SIPA1: variants seen among roughly 807,000 people sequenced by gnomAD.
The protein encoded by SIPA1 is signal-induced proliferation-associated protein 1.
In SIPA1, 51 loss-of-function variants were observed where a neutral mutation model predicts 88.1. The ratio of observed to expected loss-of-function variants is 0.58; its 90% CI spans 0.46 to 0.73. The LOEUF (loss-of-function observed/expected upper bound fraction) is 0.73. Among genes scored for constraint, SIPA1 ranks in the 30% least tolerant of loss-of-function variants. The pLI, the probability that SIPA1 is intolerant of heterozygous loss-of-function variation, is 0.00. For synonymous variants in SIPA1, 681 were observed against 664.8 expected, an observed-to-expected ratio of 1.02 and a Z score of -0.37; for missense variants, 1,348 against 1,467.6, an observed-to-expected ratio of 0.92 and a Z score of 1.33.
At chr11:65,645,705 C>T (rs1164069658) in intron 5 of SIPA1, 149 bp from the exon 6 acceptor site, 9 of 580,718 alleles carry the variant, frequency 1.5e-5, no homozygotes, top group African/African-American at 7.4e-5. Context: ...CCTTGAATCT[C>T]GCTGGCTGGG....
rs1200772983 is a variant in SIPA1, at chr11:65,649,487, A to G, written c.2525+7A>G. 6.2e-7 allele frequency: 1 copy of G among 1,612,840 alleles called. No individual in the cohort carries two copies. The highest frequency in any genetic ancestry group is 2.2e-5 in the East Asian group (1 of 44,864). ...ACTCGCTGTCACCACGCAGGTGCAC[A>G]CTCTTGGCCTTCCCTCTCCTCCAGG... On this transcript the variant is annotated splice_region_variant and intron_variant, in intron 10 of 15. Coordinates refer to ENST00000534313, the MANE Select transcript of SIPA1 (RefSeq NM_006747.4).
rs377275000 is a variant in SIPA1 at position 65,649,985 on chromosome 11, G to A, written c.2782G>A (p.Glu928Lys). The change falls in exon 13 of 16, where the codon GAG becomes AAG. Residue 928 changes from glutamate (E) to lysine (K), a missense_variant. Glu to Lys is a moderately conservative substitution (Grantham distance 56, BLOSUM62 1). Coordinates refer to ENST00000534313, the MANE Select transcript of SIPA1 (RefSeq NM_006747.4). ...GGCGGGCAGTGGGACCCTGGAGGAC[G>A]AGTGGCAGGCCATCTCGGAGATTGC... is the stretch of plus-strand genomic sequence containing the variant. Reference protein sequence around the residue: ...SEAGSGTLEDEWQAISEIAST... With the variant: ...SEAGSGTLEDKWQAISEIAST... The A allele has an allele frequency of 5.6e-6, 9 of 1,614,020 alleles. No homozygotes were observed. Among genetic ancestry groups the A allele is most frequent in the Non-Finnish European group, 7.6e-6 (9 of 1,180,010 alleles).
rs1226848754 is a variant in SIPA1 at position 65,650,297 on chromosome 11, G to T, written c.2904-104G>T. On this transcript the variant is annotated intron_variant, in intron 14 of 15. Coordinates refer to ENST00000534313, the MANE Select transcript of SIPA1 (RefSeq NM_006747.4). The stretch of plus-strand genomic sequence containing the variant: ...TGTCCTGGGCTCTGCTGCCACATAT[G>T]CCTAGAAGACCAGCGGGGCCCCTCT... 7.8e-6 allele frequency: 12 copies of T among 1,535,802 alleles called. No individual in the cohort carries two copies. In the South Asian group the frequency reaches 1.4e-4, roughly 17 times the overall value.
chr11:65,642,728 C>T lies in SIPA1; in HGVS notation c.984+89C>T. On this transcript the variant is annotated intron_variant, in intron 4 of 15. Transcript: ENST00000534313. This position sits in a 1 kb window ranked among gnomAD's most constrained non-coding sequence, Gnocchi z 6.5. ...AGCTCCCAAACCCCTAGCCTTGACC[C>T]TGATCCTGGGCTGGGTGGTGACCCC... 2.3e-6 allele frequency: 3 copies of T among 1,278,742 alleles called. No homozygotes were observed. Among genetic ancestry groups the T allele is most frequent in the Non-Finnish European group, 3.1e-6 (3 of 961,700 alleles). The allele number at this position is 1,278,742 out of a possible 1,614,324, so 79.2% of individuals were successfully genotyped here.
In SIPA1 at chr11:65,647,424, C is replaced by A. The variant is rs1173880303; in HGVS notation, c.2072C>A (p.Pro691His). The A allele has an allele frequency of 6.8e-7, 1 of 1,476,376 alleles. No homozygotes were observed. The highest frequency in any genetic ancestry group is 8.9e-7 in the Non-Finnish European group (1 of 1,120,974). 91.5% of individuals were successfully genotyped at this position (1,476,376 alleles called of 1,614,324 possible). A position where few individuals can be genotyped will look rare whatever the true frequency, so the allele number is the denominator to read the frequency against. ...RGCETRELAL[P>H]RDGQGRLGFE... is the part of the protein sequence containing the mutation. ...TGCGAGACCCGCGAGCTGGCGCTGC[C>A]CCGCGACGGTCAAGGCCGCCTGGGC... The change falls in exon 9 of 16, where the codon CCC (proline) becomes CAC (histidine). Residue 691 changes from proline (P) to histidine (H), a missense_variant. Coordinates refer to ENST00000534313, the MANE Select transcript of SIPA1 (RefSeq NM_006747.4).
Position 65,642,280 on chromosome 11 carries a change from C to T in SIPA1, c.710C>T (p.Ser237Leu). 1 of 1,554,136 alleles carries T rather than the reference C, an allele frequency of 6.4e-7. No individual in the cohort carries two copies. Among genetic ancestry groups the T allele is most frequent in the South Asian group, 1.2e-5 (1 of 84,170 alleles). The change falls in exon 3 of 16, where the codon TCG becomes TTG. Residue 237 changes from serine (S) to leucine (L), a missense_variant. Around this residue, in one of 4 missense-constraint regions of SIPA1, gnomAD observed 641 missense variants for 797.7 expected, o/e 0.80. Transcript: ENST00000534313. This position sits in a 1 kb window ranked among gnomAD's most constrained non-coding sequence, Gnocchi z 6.5. ...EHQNFFGMDE[S>L]LGPVAVSLRR... The stretch of plus-strand genomic sequence containing the variant: ...CAGAACTTCTTCGGGATGGACGAGT[C>T]GCTGGGCCCGGTGGCAGTGAGCCTG...
At position 65,650,812 on chromosome 11, in the gene SIPA1, C is replaced by G; in HGVS notation, c.*97C>G. 2 of 1,276,738 alleles carry G rather than the reference C, an allele frequency of 1.6e-6. No homozygotes were observed. Among genetic ancestry groups the G allele is most frequent in the Non-Finnish European group, 2.1e-6 (2 of 955,304 alleles). The allele number at this position is 1,276,738 out of a possible 1,614,324, so 79.1% of individuals were successfully genotyped here. A position where few individuals can be genotyped will look rare whatever the true frequency, so the allele number is the denominator to read the frequency against. On this transcript the variant is annotated 3_prime_UTR_variant, in exon 16 of 16. Transcript: ENST00000534313. ...GCAGAGGCGTGTCTTAGCACTGCCCCCCTCCCTAGCCCCTTATTTGGTGGC... is the reference window on the plus strand; with the variant it reads ...GCAGAGGCGTGTCTTAGCACTGCCCGCCTCCCTAGCCCCTTATTTGGTGGC...
chr11:65,645,001 A>G lies in SIPA1; in HGVS notation c.1031A>G (p.Gln344Arg), dbSNP rs1565180760. 1 of 1,613,940 alleles carries G rather than the reference A, an allele frequency of 6.2e-7. No individual in the cohort carries two copies. Among genetic ancestry groups the G allele is most frequent in the East Asian group, 2.2e-5 (1 of 44,884 alleles). The change falls in exon 5 of 16, where the codon CAG becomes CGG. Residue 344 changes from glutamine to arginine, a missense_variant. Gln to Arg is a conservative substitution (Grantham distance 43). Around this residue, in one of 4 missense-constraint regions of SIPA1, gnomAD observed 641 missense variants for 797.7 expected, o/e 0.80. Transcript: ENST00000534313. ...GGCATCCTGTACTGCCGGGCGGGCC[A>G]GGGCTCGGAGGAGGAGATGTACAAC... ...KVGILYCRAG[Q>R]GSEEEMYNNQ...
intron 5 of SIPA1, 113 bp from the exon 6 acceptor site, chr11:65,645,741 T>C (rs143204905): frequency 2.6e-4 from 172 of 660,258 alleles, no homozygotes; most frequent in Non-Finnish European, 4.0e-4. Context: ...TGACTGGTTG[T>C]CCACCTGCTG....
chr11:65,644,028 A>T lies in SIPA1; in HGVS notation c.985-927A>T, dbSNP rs139271734. ...GTGAAGAGGAGGTGACAGTCCAGGA[A>T]GGACTGGGTAGTCATGTGGCTGACT... On this transcript the variant is annotated intron_variant, in intron 4 of 15. Coordinates refer to ENST00000534313, the MANE Select transcript of SIPA1 (RefSeq NM_006747.4). Among the ~76,000 whole-genome samples, 989 of 152,234 alleles carry T rather than the reference A, an allele frequency of 6.5e-3. 3 individuals carry two copies. Among genetic ancestry groups the T allele is most frequent in the Non-Finnish European group, 0.011 (737 of 67,994 alleles).
chr11:65,650,067 T>C lies in SIPA1; in HGVS notation c.2848+16T>C. The C allele has an allele frequency of 6.2e-7, 1 of 1,613,686 alleles. No individual in the cohort carries two copies. The highest frequency in any genetic ancestry group is 8.5e-7 in the Non-Finnish European group (1 of 1,179,754). ...TCCCGAGAGGGTGAGGCCACCAGGG[T>C]GCTGCGGTAAGCCTGGGCAGTGCTC... On this transcript the variant is annotated intron_variant, in intron 13 of 15. Coordinates refer to ENST00000534313, the MANE Select transcript of SIPA1 (RefSeq NM_006747.4).
intron 1 of SIPA1, among the ~76,000 whole-genome samples, chr11:65,639,499 G>A (rs923321568): frequency 2.1e-4 from 32 of 152,312 alleles, no homozygotes; most frequent in Admixed American, 1.1e-3. Context: ...CACCTGGGCT[G>A]GGGAGCCGAC....
intron 4 of SIPA1, among the ~76,000 whole-genome samples, chr11:65,643,078 G>A (rs1312200354): frequency 2.0e-5 from 3 of 152,076 alleles, no homozygotes; most frequent in African/African-American, 7.2e-5. Flanking sequence ...ACCACGCCCA[G>A]CTAATTTTTG....
chr11:65,640,792 T>C lies in SIPA1; in HGVS notation c.-91-39T>C, dbSNP rs904888303. The C allele has an allele frequency of 1.4e-5, 11 of 802,892 alleles. No homozygotes were observed. In the African/African-American group the frequency reaches 2.0e-4, roughly 15 times the overall value. 49.7% of individuals were successfully genotyped at this position (802,892 alleles called of 1,614,324 possible). Reference sequence around the variant, plus strand: ...AGGCTGGGGGCCTGGGTTCCTGTTTTCTGCCCAGGCCCCTCTGAGCAGCCC... The same window carrying C: ...AGGCTGGGGGCCTGGGTTCCTGTTTCCTGCCCAGGCCCCTCTGAGCAGCCC... On this transcript the variant is annotated intron_variant, in intron 1 of 15. Coordinates refer to ENST00000534313, the MANE Select transcript of SIPA1 (RefSeq NM_006747.4).
Position 65,645,863 on chromosome 11 carries a change from C to T in SIPA1, c.1169C>T (p.Thr390Ile). 6.2e-7 allele frequency: 1 copy of T among 1,611,394 alleles called. No individual in the cohort carries two copies. The highest frequency in any genetic ancestry group is 8.5e-7 in the Non-Finnish European group (1 of 1,178,108). Residue 390 changes from threonine to isoleucine, a missense_variant, in exon 6 of 16, where the codon ACA becomes ATA. This residue lies in a region of SIPA1 where 641 missense variants were observed against 797.7 expected (regional missense o/e 0.80). Coordinates refer to ENST00000534313, the MANE Select transcript of SIPA1 (RefSeq NM_006747.4). ...AACTTCCTGGCCACAGCGGATTCCA[C>T]AGGCACGCACTCCCTCTACACCACA... ...RAQLDTKTDS[T>I]GTHSLYTTYQ...
intron 4 of SIPA1, 71 bp from the exon 5 acceptor site, chr11:65,644,884 C>G: frequency 1.3e-6 from 2 of 1,490,568 alleles, no homozygotes; most frequent in African/African-American, 2.8e-5. Context: ...AGCGTCCCAT[C>G]CATTCCCTAA....
In SIPA1 at chr11:65,647,601, C is replaced by T. The variant is rs1446191154; in HGVS notation, c.2249C>T (p.Ser750Leu). ...RPEAAAQLLR[S>L]APKVCVTVLP... Reference sequence around the variant, plus strand: ...GAGGCCGCTGCCCAGCTCCTGCGCTCGGCGCCCAAGGTCTGCGTCACCGTC... The same window carrying T: ...GAGGCCGCTGCCCAGCTCCTGCGCTTGGCGCCCAAGGTCTGCGTCACCGTC... The change falls in exon 9 of 16, where the codon TCG becomes TTG. Residue 750 changes from serine to leucine, a missense_variant. Ser to Leu is a moderately radical substitution (Grantham distance 145). Transcript: ENST00000534313. 24 of 1,397,570 alleles carry T rather than the reference C, an allele frequency of 1.7e-5. No individual in the cohort carries two copies. The highest frequency in any genetic ancestry group is 3.2e-5 in the Admixed American group (1 of 31,070). The allele number at this position is 1,397,570 out of a possible 1,614,324, so 86.6% of individuals were successfully genotyped here.
intron 8 of SIPA1, 23 bp downstream of exon 8, chr11:65,647,088 G>T: frequency 6.7e-7 from 1 of 1,496,542 alleles, no homozygotes; most frequent in East Asian, 2.5e-5. Context: ...GGTAAACTGG[G>T]GCCCCTGCGC....
At chr11:65,648,496 T>A (rs1288264146) in intron 9 of SIPA1, among the ~76,000 whole-genome samples, 1 of 152,232 alleles carries the variant, frequency 6.6e-6, no homozygotes, top group Non-Finnish European at 1.5e-5. Flanking sequence ...TACATGATTT[T>A]AACTTATCAT....
Sources: allele counts gnomAD v4.1 joint callset (sites outside exome capture counted in the v4.1 genomes callset), GRCh38; gene constraint gnomAD v4.1.1; regional missense constraint gnomAD v4.1.1; non-coding constraint Gnocchi (gnomAD v3.1); transcripts MANE v1.5; gene names NCBI Gene and HGNC (gene_info 2026-07-23, HGNC 2026-07-21).